The following GRIK1 variants were observed in gnomAD, a reference collection of about 807,000 sequenced individuals.
GRIK1 encodes glutamate ionotropic receptor kainate type subunit 1.
GRIK1 carries 69 observed loss-of-function variants against 105.7 expected under a neutral mutation model. The observed-to-expected ratio is 0.65, with a 90% CI of 0.54 to 0.80. The LOEUF (loss-of-function observed/expected upper bound fraction) is 0.80, where lower values mean the gene tolerates loss of function less well. Ranked by LOEUF, GRIK1 falls within the 30% of genes least tolerant of loss-of-function variation. GRIK1 has a pLI of 0.00. For missense variants in GRIK1, 1,109 were observed against 1,167.3 expected (o/e 0.95, Z 0.73); for synonymous variants, 438 against 431.3 (o/e 1.02, Z -0.19).
intron 1 of GRIK1, among the ~76,000 whole-genome samples, chr21:29,803,745 GT>G (rs201977085): frequency 6.0e-5 from 9 of 151,126 alleles, no homozygotes; most frequent in East Asian, 3.9e-4. Flanking sequence ...AAAAAAATAT[GT>G]TTTTTTTTCC....
At chr21:29,695,068 G>A (rs1440583801) in intron 1 of GRIK1, among the ~76,000 whole-genome samples, 1 of 152,042 alleles carries the variant, frequency 6.6e-6, no homozygotes, top group African/African-American at 2.4e-5. Flanking sequence ...CCTTCACTGA[G>A]CAAGTGCACA....
At chr21:29,644,176 G>T (rs933491990) in intron 6 of GRIK1, among the ~76,000 whole-genome samples, 1 of 151,898 alleles carries the variant, frequency 6.6e-6, no homozygotes, top group South Asian at 2.1e-4. Flanking sequence ...GAGGACAGGG[G>T]TTACTATATC....
chr21:29,664,441 T>G (rs2063022192), intron 4 of GRIK1, among the ~76,000 whole-genome samples: 1 of 152,234 alleles, frequency 6.6e-6, no homozygotes, highest in African/African-American at 2.4e-5. Flanking sequence ...ATTTAAATTT[T>G]CTCAAATAAT....
At chr21:29,789,803 AG>A (rs1407828694) in intron 1 of GRIK1, among the ~76,000 whole-genome samples, 1 of 152,228 alleles carries the variant, frequency 6.6e-6, no homozygotes, top group Non-Finnish European at 1.5e-5. Context: ...GGAGAAAAGC[AG>A]TAGAAACCTG....
chr21:29,903,974 G>A (rs1055252918), intron 1 of GRIK1, among the ~76,000 whole-genome samples: 3 of 152,144 alleles, frequency 2.0e-5, no homozygotes, highest in African/African-American at 7.2e-5. Flanking sequence ...TTCCTTTGCA[G>A]GGACATGGAT....
intron 14 of GRIK1, among the ~76,000 whole-genome samples, chr21:29,562,378 G>A (rs1038867706): frequency 2.0e-5 from 3 of 152,204 alleles, no homozygotes; most frequent in African/African-American, 7.2e-5. Context: ...TCTTCAGCCA[G>A]GCCTGGTGGC....
chr21:29,580,309 T>G, intron 13 of GRIK1, among the ~76,000 whole-genome samples: 1 of 151,918 alleles, frequency 6.6e-6, no homozygotes, highest in East Asian at 1.9e-4. Flanking sequence ...TGGGGTTTCC[T>G]GCAGGATTTA....
Position 29,694,023 on chromosome 21 carries a change from A to C in GRIK1, c.159T>G (p.Val53=). 1 of 1,613,478 alleles carries C rather than the reference A, an allele frequency of 6.2e-7. No individual in the cohort carries two copies. Among genetic ancestry groups the C allele is most frequent in the Non-Finnish European group, 8.5e-7 (1 of 1,179,446 alleles). The part of the protein sequence containing the change: ...FETVENEPVN[V]EELAFKFAVT... The stretch of plus-strand genomic sequence containing the variant: ...CTGCAAACTTGAAAGCTAATTCTTC[A>C]ACATTAACAGGCTCATTTTCCACTG... Residue 53 remains valine (V), a synonymous_variant, in exon 2 of 18, where the codon GTT becomes GTG. Coordinates refer to ENST00000327783, the MANE Select transcript of GRIK1 (RefSeq NM_001330994.2).
chr21:29,635,448 T>G (rs148498291), intron 7 of GRIK1, among the ~76,000 whole-genome samples: 1 of 152,300 alleles, frequency 6.6e-6, no homozygotes, highest in East Asian at 1.9e-4. Context: ...GGATGCCACT[T>G]TCTAACACCA....
At chr21:29,902,804 A>G (rs1027515325) in intron 1 of GRIK1, among the ~76,000 whole-genome samples, 4 of 152,206 alleles carry the variant, frequency 2.6e-5, no homozygotes, top group Admixed American at 6.5e-5. Flanking sequence ...ATGGAACCAA[A>G]AAAGGGCCCA....
At chr21:29,776,217 T>C (rs1356516881) in intron 1 of GRIK1, among the ~76,000 whole-genome samples, 1 of 152,220 alleles carries the variant, frequency 6.6e-6, no homozygotes, top group Non-Finnish European at 1.5e-5. Context: ...GGGATTGCAA[T>C]TCAAGATGAG....
At chr21:29,642,278 C>A (rs16984604) in intron 7 of GRIK1, among the ~76,000 whole-genome samples, 1,954 of 152,316 alleles carry the variant, frequency 0.013, 39 homozygotes, top group African/African-American at 0.045. Context: ...TCTATCCCTG[C>A]AAATACCCCA....
At chr21:29,568,222 G>T (rs2090656733) in intron 14 of GRIK1, among the ~76,000 whole-genome samples, 1 of 152,200 alleles carries the variant, frequency 6.6e-6, no homozygotes, top group African/African-American at 2.4e-5. Context: ...GACACTGATG[G>T]TAAAATTAGC....
At position 29,939,405 on chromosome 21, in the gene GRIK1, G is replaced by C. The variant is rs1196122060; in HGVS notation, c.96C>G (p.Thr32=). ...LYFLCYILPQ[T]APQVLRIGGI... ...CACCGATCCTGAGTACTTGCGGGGC[G>C]GTCTGAGGGAGGATATAGCAGAGGA... The change falls in exon 1 of 18, where the codon ACC becomes ACG. Residue 32 remains threonine (T), a synonymous_variant. Coordinates refer to ENST00000327783, the MANE Select transcript of GRIK1 (RefSeq NM_001330994.2). The C allele has an allele frequency of 6.4e-7, 1 of 1,555,996 alleles. No individual in the cohort carries two copies. Among genetic ancestry groups the C allele is most frequent in the African/African-American group, 1.4e-5 (1 of 73,308 alleles).
At chr21:29,756,121 C>T (rs2065332212) in intron 1 of GRIK1, among the ~76,000 whole-genome samples, 1 of 152,224 alleles carries the variant, frequency 6.6e-6, no homozygotes, top group Non-Finnish European at 1.5e-5. Flanking sequence ...GTGGCTCACG[C>T]CTGTAATCCC....
intron 1 of GRIK1, among the ~76,000 whole-genome samples, chr21:29,855,867 T>G (rs1403090413): frequency 3.3e-5 from 5 of 152,038 alleles, no homozygotes; most frequent in African/African-American, 1.2e-4. Context: ...TGGGAGAGAT[T>G]TTTTTTTCAA....
chr21:29,712,249 C>G (rs1482678908), intron 1 of GRIK1, among the ~76,000 whole-genome samples: 1 of 151,802 alleles, frequency 6.6e-6, no homozygotes, highest in Non-Finnish European at 1.5e-5. Flanking sequence ...AATATTCCAC[C>G]TAAAAACACA....
At chr21:29,882,133 A>C (rs1298895110) in intron 1 of GRIK1, among the ~76,000 whole-genome samples, 1 of 152,080 alleles carries the variant, frequency 6.6e-6, no homozygotes, top group Non-Finnish European at 1.5e-5. Context: ...ACATCAAAAA[A>C]AGGCCATAAC....
At chr21:29,610,773 T>C (rs2061714690) in intron 7 of GRIK1, among the ~76,000 whole-genome samples, 2 of 152,108 alleles carry the variant, frequency 1.3e-5, no homozygotes, top group South Asian at 4.1e-4. Flanking sequence ...TCAAACACCT[T>C]GGAATAAAAA....
Sources: allele counts gnomAD v4.1 joint callset (sites outside exome capture counted in the v4.1 genomes callset), GRCh38; gene constraint gnomAD v4.1.1; transcripts MANE v1.5; gene names NCBI Gene and HGNC (gene_info 2026-07-23, HGNC 2026-07-21).